The following MUC7 variants were observed in gnomAD, a reference collection of about 807,000 sequenced individuals.
The protein encoded by MUC7 is mucin-7.
In MUC7, 2 loss-of-function variants were observed where a neutral mutation model predicts 2.5. The observed-to-expected ratio is 0.81, with a 90% CI of 0.33 to 2.55. The LOEUF is 2.55. Among genes scored for constraint, MUC7 ranks in the 30% most tolerant of loss-of-function variants. MUC7 has a pLI of 0.11. For missense variants in MUC7, 408 were observed against 455.6 expected (o/e 0.90, Z 0.95); for synonymous variants, 133 against 173.4 (o/e 0.77, Z 1.83).
chr4:70,434,877 A>G lies in MUC7; in HGVS notation c.-93+4190A>G, dbSNP rs538256921. Reference sequence around the variant, plus strand: ...AAATTTCCCTCTACACACTGCTTTAATTGTGTTCGAGAGATTCTGGTATGT... The same window carrying G: ...AAATTTCCCTCTACACACTGCTTTAGTTGTGTTCGAGAGATTCTGGTATGT... On this transcript the variant is annotated intron_variant, in intron 1 of 3. Coordinates refer to the MUC7 transcript ENST00000413702. Among the ~76,000 whole-genome samples, 263 of 151,436 alleles carry G rather than the reference A, an allele frequency of 1.7e-3. 1 individual carries two copies. Among genetic ancestry groups the G allele is most frequent in the Non-Finnish European group, 3.2e-3 (214 of 67,722 alleles).
At chr4:70,448,193 G>A (rs1429891620) in intron 1 of MUC7, among the ~76,000 whole-genome samples, 1 of 152,132 alleles carries the variant, frequency 6.6e-6, no homozygotes, top group Non-Finnish European at 1.5e-5. Context: ...TCTGTTGGTA[G>A]ACATTTAGGT....
chr4:70,473,121 C>T (rs1734885295), intron 1 of MUC7, among the ~76,000 whole-genome samples: 1 of 151,982 alleles, frequency 6.6e-6, no homozygotes, highest in South Asian at 2.1e-4. Context: ...AAGAATAATT[C>T]CTGTCATTTT....
intron 1 of MUC7, among the ~76,000 whole-genome samples, chr4:70,432,275 G>T (rs1733689712): frequency 6.6e-6 from 1 of 152,196 alleles, no homozygotes; most frequent in Non-Finnish European, 1.5e-5. Flanking sequence ...TAGTGGGATG[G>T]CTGGGTCAAA....
Position 70,482,112 on chromosome 4 carries a change from C to G in MUC7, c.*234C>G. The G allele has an allele frequency of 1.9e-6, 1 of 533,042 alleles. No individual in the cohort carries two copies. Among genetic ancestry groups the G allele is most frequent in the South Asian group, 2.5e-5 (1 of 40,678 alleles). 33.0% of individuals were successfully genotyped at this position (533,042 alleles called of 1,614,324 possible). ...GGGGTTCAAAATAACTCTTTGGATCCTACAGAGATAGCCTACTGAGGGCAA... is the reference window on the plus strand; with the variant it reads ...GGGGTTCAAAATAACTCTTTGGATCGTACAGAGATAGCCTACTGAGGGCAA... On this transcript the variant is annotated 3_prime_UTR_variant, in exon 3 of 3. Coordinates refer to ENST00000304887, the MANE Select transcript of MUC7 (RefSeq NM_152291.3).
chr4:70,463,945 G>A (rs1002245495), intron 1 of MUC7, among the ~76,000 whole-genome samples: 2 of 152,198 alleles, frequency 1.3e-5, no homozygotes, highest in African/African-American at 4.8e-5. Context: ...ATAATGGAAT[G>A]AGATAGTCAT....
intron 1 of MUC7, among the ~76,000 whole-genome samples, chr4:70,458,777 A>G (rs6857495): frequency 5.3e-5 from 8 of 152,134 alleles, no homozygotes; most frequent in African/African-American, 1.7e-4. Flanking sequence ...TATTTTAAAA[A>G]TACAACTGCA....
chr4:70,456,151 C>T lies in MUC7; in HGVS notation c.-92-16064C>T, dbSNP rs563767559. 3.3e-4 allele frequency among the ~76,000 whole-genome samples: 50 copies of T among 152,238 alleles called. 1 individual carries two copies. The highest frequency in any genetic ancestry group is 1.3e-3 in the Admixed American group (20 of 15,282). ...CCAATCGCTGCCTGTCACCCAGTTC[C>T]GAAGTCACTTCCATATTTTCAAATA... is the stretch of plus-strand genomic sequence containing the variant. On this transcript the variant is annotated intron_variant, in intron 1 of 3. Transcript: ENST00000413702.
At chr4:70,454,394 C>A (rs760849084) in intron 1 of MUC7, among the ~76,000 whole-genome samples, 14 of 152,178 alleles carry the variant, frequency 9.2e-5, no homozygotes, top group Non-Finnish European at 1.9e-4. Context: ...TATCAGCTGA[C>A]TTAAGCCCGG....
intron 1 of MUC7, among the ~76,000 whole-genome samples, chr4:70,457,468 T>A (rs1734443087): frequency 6.6e-6 from 1 of 151,668 alleles, no homozygotes; most frequent in African/African-American, 2.4e-5. Flanking sequence ...ACACTTATGA[T>A]TATGACAAAA....
intron 1 of MUC7, among the ~76,000 whole-genome samples, chr4:70,454,177 C>G (rs1436002138): frequency 6.6e-6 from 1 of 152,152 alleles, no homozygotes; most frequent in Admixed American, 6.5e-5. Flanking sequence ...ATATGCCTCC[C>G]ATGTCCACTG....
At chr4:70,444,358 C>G (rs1342640121) in intron 1 of MUC7, among the ~76,000 whole-genome samples, 1 of 152,192 alleles carries the variant, frequency 6.6e-6, no homozygotes, top group Non-Finnish European at 1.5e-5. Context: ...CCACAACACC[C>G]GTGGTCACTG....
intron 2 of MUC7, among the ~76,000 whole-genome samples, chr4:70,480,173 G>A (rs563103837): frequency 1.6e-4 from 24 of 152,258 alleles, no homozygotes; most frequent in African/African-American, 4.6e-4. Context: ...ATGAACCCCC[G>A]AATCATGAAT....
At chr4:70,448,484 T>A (rs1347107581) in intron 1 of MUC7, among the ~76,000 whole-genome samples, 2 of 152,220 alleles carry the variant, frequency 1.3e-5, no homozygotes, top group Non-Finnish European at 2.9e-5. Flanking sequence ...TAAGGTAATA[T>A]CTCATTGCAG....
chr4:70,445,299 A>G (rs1424802777), intron 1 of MUC7, among the ~76,000 whole-genome samples: 2 of 151,876 alleles, frequency 1.3e-5, no homozygotes, highest in East Asian at 3.9e-4. Context: ...TGAAACCACA[A>G]CTCCACTAAC....
At chr4:70,453,238 G>A (rs1734324517) in intron 1 of MUC7, among the ~76,000 whole-genome samples, 1 of 152,180 alleles carries the variant, frequency 6.6e-6, no homozygotes, top group Admixed American at 6.5e-5. Context: ...TCAGGCCCCA[G>A]GTGGGTCCAG....
At chr4:70,456,454 A>G (rs1260573421) in intron 1 of MUC7, among the ~76,000 whole-genome samples, 1 of 152,166 alleles carries the variant, frequency 6.6e-6, no homozygotes, top group Non-Finnish European at 1.5e-5. Context: ...TAATTGACTC[A>G]TGGTTCTGCA....
At chr4:70,464,112 G>C (rs949898704) in intron 1 of MUC7, among the ~76,000 whole-genome samples, 2 of 152,174 alleles carry the variant, frequency 1.3e-5, no homozygotes, top group African/African-American at 4.8e-5. Flanking sequence ...AGCCAAAGCA[G>C]GGTGGGGCGT....
intron 1 of MUC7, among the ~76,000 whole-genome samples, chr4:70,433,214 T>C (rs1347002796): frequency 6.6e-6 from 1 of 152,184 alleles, no homozygotes; most frequent in Non-Finnish European, 1.5e-5. Context: ...CTATGGGGTC[T>C]CTTTTTTGGT....
upstream of MUC7, among the ~76,000 whole-genome samples, chr4:70,470,460 C>T (rs904545823): frequency 4.6e-5 from 7 of 152,002 alleles, no homozygotes; most frequent in Middle Eastern, 3.4e-3. Flanking sequence ...AAAAATAAAA[C>T]CTGAAATGTA....
Sources: allele counts gnomAD v4.1 joint callset (sites outside exome capture counted in the v4.1 genomes callset), GRCh38; gene constraint gnomAD v4.1.1; transcripts MANE v1.5; gene names NCBI Gene and HGNC (gene_info 2026-07-23, HGNC 2026-07-21).